ZCCHC14: variants seen among roughly 807,000 people sequenced by gnomAD.
The protein encoded by ZCCHC14 is zinc finger CCHC domain-containing protein 14.
Under a neutral mutation model 85.0 loss-of-function variants are expected in ZCCHC14, and 16 were observed. The observed-to-expected ratio is 0.19, with a 90% confidence interval of 0.13 to 0.29. The LOEUF is 0.29. Among genes scored for constraint, ZCCHC14 ranks in the 10% least tolerant of loss-of-function variants. The pLI is 1.00. For missense variants in ZCCHC14, 1,303 were observed against 1,443.5 expected, an observed-to-expected ratio of 0.90 and a Z score of 1.58; for synonymous variants, 775 against 630.7, an observed-to-expected ratio of 1.23 and a Z score of -3.43.
At chr16:87,459,550 C>T (rs1273995641) in intron 2 of ZCCHC14, among the ~76,000 whole-genome samples, 6 of 150,392 alleles carry the variant, frequency 4.0e-5, no homozygotes, top group African/African-American at 1.5e-4. Flanking sequence ...GCTCTTGTTG[C>T]CCAGGCTGGA....
intron 3 of ZCCHC14, among the ~76,000 whole-genome samples, chr16:87,432,209 C>T (rs762763025): frequency 1.3e-5 from 2 of 152,134 alleles, no homozygotes; most frequent in Non-Finnish European, 2.9e-5. Flanking sequence ...GCACTCGATG[C>T]ACATGTGGTC....
At chr16:87,413,586 C>G (rs1908604582) in intron 10 of ZCCHC14, among the ~76,000 whole-genome samples, 2 of 151,620 alleles carry the variant, frequency 1.3e-5, no homozygotes, top group African/African-American at 4.8e-5. Flanking sequence ...TTTTTTTTCC[C>G]TCCTGAGCTA....
chr16:87,458,962 T>C (rs962574910), intron 2 of ZCCHC14, among the ~76,000 whole-genome samples: 1 of 152,064 alleles, frequency 6.6e-6, no homozygotes, highest in African/African-American at 2.4e-5. Context: ...TTTTACCGGG[T>C]ATGCATTATC....
At chr16:87,443,676 G>A (rs1164984371) in intron 2 of ZCCHC14, among the ~76,000 whole-genome samples, 1 of 152,158 alleles carries the variant, frequency 6.6e-6, no homozygotes. Context: ...GTTCAAGGAT[G>A]CAATGAGCAG....
rs561543764 is a variant in ZCCHC14, at chr16:87,455,779, C to T, written c.694+4229G>A. On this transcript the variant is annotated intron_variant, in intron 2 of 12. Coordinates refer to ENST00000671377, the MANE Select transcript of ZCCHC14 (RefSeq NM_015144.3). ...AACATGCATTCAGAAGGAACTGCTT[C>T]GAGCGCCCATACAACCATTCTGTTT... 2.4e-4 allele frequency among the ~76,000 whole-genome samples: 37 copies of T among 152,362 alleles called. No homozygotes were observed. In the South Asian group the frequency reaches 3.7e-3, roughly 15 times the overall value.
intron 2 of ZCCHC14, among the ~76,000 whole-genome samples, chr16:87,444,679 C>G (rs1326248013): frequency 6.6e-6 from 1 of 152,132 alleles, no homozygotes; most frequent in Non-Finnish European, 1.5e-5. Context: ...CAAACAAACC[C>G]AGATTGTGGG....
At position 87,412,122 on chromosome 16, in the gene ZCCHC14, T is replaced by C; in HGVS notation, c.2599A>G (p.Ser867Gly). 6.2e-7 allele frequency: 1 copy of C among 1,613,604 alleles called. No homozygotes were observed. Among genetic ancestry groups the C allele is most frequent in the Non-Finnish European group, 8.5e-7 (1 of 1,180,014 alleles). The stretch of plus-strand genomic sequence containing the variant: ...ACGGAGGACAGCGCCGGGCTGGAGC[T>C]GGGGGCTGGGCAGCTGGGCAACGTG... ...MATLPSCPAPSSSPALSSVPE... is the reference protein window; with the variant it reads ...MATLPSCPAPGSSPALSSVPE... The change falls in exon 12 of 13, where the codon AGC becomes GGC. Residue 867 changes from serine to glycine, a missense_variant. This residue lies in a region of ZCCHC14 where 797 missense variants were observed against 730.8 expected (regional missense o/e 1.09). Coordinates refer to ENST00000671377, the MANE Select transcript of ZCCHC14 (RefSeq NM_015144.3).
chr16:87,438,994 T>C (rs1001253904), intron 2 of ZCCHC14, among the ~76,000 whole-genome samples: 1 of 152,170 alleles, frequency 6.6e-6, no homozygotes, highest in African/African-American at 2.4e-5. Flanking sequence ...AGGAGCTAAA[T>C]TTACCACTAT....
chr16:87,417,867 A>G (rs1908877391), intron 7 of ZCCHC14, 125 bp from the exon 8 acceptor site: 22 of 1,204,508 alleles, frequency 1.8e-5, no homozygotes, highest in Non-Finnish European at 2.4e-5. Context: ...CTGTTGTCAC[A>G]GGCCACCCTG....
chr16:87,468,041 G>A (rs28612602), intron 1 of ZCCHC14, among the ~76,000 whole-genome samples: 44,561 of 152,088 alleles, frequency 0.29, 9,922 homozygotes, highest in African/African-American at 0.6. Context: ...CTGGCCCAAC[G>A]GTTTTTTCTA....
chr16:87,484,809 A>C (rs1450399126), intron 1 of ZCCHC14, among the ~76,000 whole-genome samples: 3 of 152,106 alleles, frequency 2.0e-5, no homozygotes, highest in African/African-American at 7.2e-5. Flanking sequence ...TGAAAACACA[A>C]ATCAGAGAAC....
chr16:87,473,615 G>A (rs967699618), intron 1 of ZCCHC14: 1 of 152,248 alleles, frequency 6.6e-6, no homozygotes, highest in African/African-American at 2.4e-5. Flanking sequence ...CTGGCTAAAT[G>A]TCTAATCACA....
At chr16:87,452,275 C>T (rs1910742998) in intron 2 of ZCCHC14, among the ~76,000 whole-genome samples, 2 of 152,200 alleles carry the variant, frequency 1.3e-5, no homozygotes, top group South Asian at 4.1e-4. Context: ...GGATCAATCA[C>T]CAATGTGGGA....
At chr16:87,422,256 G>T (rs1006236115) in intron 4 of ZCCHC14, among the ~76,000 whole-genome samples, 1 of 152,136 alleles carries the variant, frequency 6.6e-6, no homozygotes, top group Non-Finnish European at 1.5e-5. Flanking sequence ...GAACTGAGGG[G>T]ATCGGCTGGT....
In ZCCHC14 at chr16:87,412,737, G is replaced by C; in HGVS notation, c.1984C>G (p.Leu662Val). Reference protein sequence around the residue: ...KPERGSADMKLLSSSVHSLLS... With the variant: ...KPERGSADMKVLSSSVHSLLS... Reference sequence around the variant, plus strand: ...AGTGAGTGCACAGAAGACGAGAGGAGCTTCATGTCCGCGCTCCCTCTTTCC... The same window carrying C: ...AGTGAGTGCACAGAAGACGAGAGGACCTTCATGTCCGCGCTCCCTCTTTCC... The change falls in exon 12 of 13, where the codon CTC becomes GTC. Residue 662 changes from leucine to valine, a missense_variant. Physicochemically the swap from Leu to Val is conservative, Grantham distance 32. Coordinates refer to ENST00000671377, the MANE Select transcript of ZCCHC14 (RefSeq NM_015144.3). 1.9e-6 allele frequency: 3 copies of C among 1,614,214 alleles called. No individual in the cohort carries two copies. Among genetic ancestry groups the C allele is most frequent in the Non-Finnish European group, 2.5e-6 (3 of 1,180,030 alleles).
At chr16:87,481,692 A>G (rs1399713113) in intron 1 of ZCCHC14, among the ~76,000 whole-genome samples, 1 of 152,144 alleles carries the variant, frequency 6.6e-6, no homozygotes, top group Non-Finnish European at 1.5e-5. Flanking sequence ...GGACTTGGTC[A>G]TAAACCAGCT....
chr16:87,417,210 C>A (rs955644673), intron 8 of ZCCHC14, among the ~76,000 whole-genome samples: 2 of 152,180 alleles, frequency 1.3e-5, no homozygotes, highest in African/African-American at 4.8e-5. Context: ...CCTCCCGTCA[C>A]GCAGAGCATC....
chr16:87,450,772 T>C (rs1220346681), intron 2 of ZCCHC14, among the ~76,000 whole-genome samples: 1 of 152,010 alleles, frequency 6.6e-6, no homozygotes, highest in Non-Finnish European at 1.5e-5. Context: ...CCCAGGCTGG[T>C]GTGGAACTCC....
chr16:87,426,530 A>AG (rs1446828801), intron 3 of ZCCHC14, among the ~76,000 whole-genome samples: 8 of 152,216 alleles, frequency 5.3e-5, no homozygotes, highest in Non-Finnish European at 1.2e-4. Flanking sequence ...CGCAGGGTCT[A>AG]GTTCCTCCGG....
Sources: allele counts gnomAD v4.1 joint callset (sites outside exome capture counted in the v4.1 genomes callset), GRCh38; gene constraint gnomAD v4.1.1; regional missense constraint gnomAD v4.1.1; transcripts MANE v1.5; gene names NCBI Gene and HGNC (gene_info 2026-07-23, HGNC 2026-07-21).